KCTD16: variants seen among roughly 807,000 people sequenced by gnomAD.
KCTD16 encodes potassium channel tetramerization domain containing 16, also known as BTB/POZ domain-containing protein KCTD16.
A neutral mutation model predicts 33.2 loss-of-function variants in KCTD16; 13 were observed. The observed-to-expected ratio is 0.39, with a 90% confidence interval of 0.25 to 0.62. The LOEUF is 0.62. Among genes scored for constraint, KCTD16 ranks in the 20% least tolerant of loss-of-function variants. The pLI is 0.50. For synonymous variants in KCTD16, 197 were observed against 195.3 expected (o/e 1.01, Z -0.07); for missense variants, 441 against 525.1 (o/e 0.84, Z 1.57).
chr5:144,443,524 A>G (rs923066287), intron 3 of KCTD16, among the ~76,000 whole-genome samples: 1 of 151,316 alleles, frequency 6.6e-6, no homozygotes, highest in African/African-American at 2.4e-5. Context: ...TTCTTTTACT[A>G]TTGTTTATCT....
chr5:144,361,281 C>G (rs1350513203), intron 3 of KCTD16, among the ~76,000 whole-genome samples: 2 of 152,020 alleles, frequency 1.3e-5, no homozygotes, highest in Non-Finnish European at 2.9e-5. Flanking sequence ...GGGTGTATAC[C>G]TAGTAATGGG....
intron 3 of KCTD16, among the ~76,000 whole-genome samples, chr5:144,286,059 C>G (rs992071716): frequency 6.6e-6 from 1 of 151,158 alleles, no homozygotes; most frequent in African/African-American, 2.4e-5. Context: ...CAATCATCAC[C>G]AATTGCCCAG....
intron 3 of KCTD16, among the ~76,000 whole-genome samples, chr5:144,468,017 T>C (rs991993764): frequency 6.6e-6 from 1 of 152,114 alleles, no homozygotes; most frequent in African/African-American, 2.4e-5. Flanking sequence ...CTTGCTCCTA[T>C]CAGCGGCAGC....
intron 3 of KCTD16, among the ~76,000 whole-genome samples, chr5:144,454,748 T>C (rs1040792247): frequency 2.6e-5 from 4 of 152,224 alleles, no homozygotes; most frequent in South Asian, 4.1e-4. Flanking sequence ...GGTTTTTTTT[T>C]CCAAGAAAGA....
chr5:144,365,101 T>C (rs1232904257), intron 3 of KCTD16, among the ~76,000 whole-genome samples: 1 of 152,080 alleles, frequency 6.6e-6, no homozygotes, highest in Non-Finnish European at 1.5e-5. Flanking sequence ...GAAGTGAGCT[T>C]ATCTATCCTG....
chr5:144,320,425 A>G (rs1351634545), intron 3 of KCTD16, among the ~76,000 whole-genome samples: 1 of 152,192 alleles, frequency 6.6e-6, no homozygotes, highest in African/African-American at 2.4e-5. Flanking sequence ...GCTTGTCTCT[A>G]TATTCCTCAC....
At chr5:144,282,485 C>G (rs1740529325) in intron 3 of KCTD16, among the ~76,000 whole-genome samples, 2 of 152,036 alleles carry the variant, frequency 1.3e-5, no homozygotes, top group South Asian at 4.2e-4. Context: ...TTAATCATAT[C>G]CAAGGAGGGG....
At chr5:144,391,705 C>T (rs993912872) in intron 3 of KCTD16, among the ~76,000 whole-genome samples, 5 of 152,138 alleles carry the variant, frequency 3.3e-5, no homozygotes, top group Non-Finnish European at 4.4e-5. Context: ...ATTTGAAGGA[C>T]CATTTGCAAT....
At chr5:144,456,501 G>C (rs1029063455) in intron 3 of KCTD16, among the ~76,000 whole-genome samples, 3 of 152,094 alleles carry the variant, frequency 2.0e-5, no homozygotes. Flanking sequence ...CAGGGGTAGG[G>C]AGGACTTAGC....
At chr5:144,420,948 T>A (rs1753195980) in intron 3 of KCTD16, among the ~76,000 whole-genome samples, 1 of 152,176 alleles carries the variant, frequency 6.6e-6, no homozygotes, top group Admixed American at 6.6e-5. Flanking sequence ...TAGAAGGAAT[T>A]TGAGCAGAGG....
Position 144,305,660 on chromosome 5 carries a change from A to G in KCTD16, c.832+98114A>G, listed in dbSNP as rs549455764. On this transcript the variant is annotated intron_variant, in intron 3 of 3. Transcript: ENST00000512467. Reference sequence around the variant, plus strand: ...GAAACCCCATCTCTACTAAAAATACAAAAATTAGCTGGGCATGGTGGTGCG... The same window carrying G: ...GAAACCCCATCTCTACTAAAAATACGAAAATTAGCTGGGCATGGTGGTGCG... Among the ~76,000 whole-genome samples, 113 of 152,102 alleles carry G rather than the reference A, an allele frequency of 7.4e-4. 2 individuals are homozygous for G. The South Asian group carries it at 0.023, about 31-fold the overall frequency.
intron 2 of KCTD16, among the ~76,000 whole-genome samples, chr5:144,175,215 A>G (rs899351005): frequency 2.6e-5 from 4 of 152,218 alleles, no homozygotes; most frequent in African/African-American, 4.8e-5. Context: ...GGTAGGTGCC[A>G]TGTAATGCCC....
intron 3 of KCTD16, among the ~76,000 whole-genome samples, chr5:144,303,436 A>AGGTT (rs1442612419): frequency 6.6e-6 from 1 of 152,104 alleles, no homozygotes; most frequent in Non-Finnish European, 1.5e-5. Context: ...TAGGACCTTG[A>AGGTT]GGTTGGGCTG....
intron 3 of KCTD16, among the ~76,000 whole-genome samples, chr5:144,469,420 C>A (rs1006798230): frequency 6.6e-6 from 1 of 152,130 alleles, no homozygotes; most frequent in African/African-American, 2.4e-5. Flanking sequence ...CCAGCTAGAT[C>A]TAAGTATTAG....
intron 3 of KCTD16, among the ~76,000 whole-genome samples, chr5:144,354,976 C>G (rs1466106036): frequency 1.3e-5 from 2 of 152,138 alleles, no homozygotes; most frequent in East Asian, 3.9e-4. Context: ...AGACCCTTTA[C>G]TAAGTACTTT....
chr5:144,346,499 T>A (rs1288539983), intron 3 of KCTD16, among the ~76,000 whole-genome samples: 1 of 152,164 alleles, frequency 6.6e-6, no homozygotes, highest in African/African-American at 2.4e-5. Flanking sequence ...GATTCCCTTT[T>A]CTCCACATCC....
intron 2 of KCTD16, among the ~76,000 whole-genome samples, chr5:144,178,249 T>C (rs1752545927): frequency 6.6e-6 from 1 of 152,218 alleles, no homozygotes; most frequent in African/African-American, 2.4e-5. Context: ...TTGATTTTTT[T>C]CACTCGTGAT....
chr5:144,388,812 TC>T (rs1433770843), intron 3 of KCTD16, among the ~76,000 whole-genome samples: 1 of 152,168 alleles, frequency 6.6e-6, no homozygotes, highest in Non-Finnish European at 1.5e-5. Flanking sequence ...GACACACTAC[TC>T]GAGACACAGA....
intron 3 of KCTD16, among the ~76,000 whole-genome samples, chr5:144,398,169 A>C (rs1752617852): frequency 6.6e-6 from 1 of 152,218 alleles, no homozygotes; most frequent in South Asian, 2.1e-4. Flanking sequence ...TCCCACAGCA[A>C]AACCTATTAA....
Sources: allele counts gnomAD v4.1 joint callset (sites outside exome capture counted in the v4.1 genomes callset), GRCh38; gene constraint gnomAD v4.1.1; transcripts MANE v1.5; gene names NCBI Gene and HGNC (gene_info 2026-07-23, HGNC 2026-07-21).